The following PCNT variants were observed in gnomAD, a reference collection of about 807,000 sequenced individuals.
The protein encoded by PCNT is kendrin.
PCNT carries 319 observed loss-of-function variants against 380.4 expected under a neutral mutation model. That is an observed-to-expected ratio of 0.84 (90% confidence interval 0.77 to 0.92). The LOEUF (loss-of-function observed/expected upper bound fraction) is 0.92. Ranked by LOEUF, PCNT falls within the 40% of genes least tolerant of loss-of-function variation. The probability of loss-of-function intolerance (pLI) is 0.00; values close to 1 mark genes in which losing one functional copy is unlikely to be tolerated. For synonymous variants in PCNT, 1,845 were observed against 1,735.2 expected (o/e 1.06, Z -1.57); for missense variants, 4,400 against 4,255.3 (o/e 1.03, Z -0.95).
intron 27 of PCNT, among the ~76,000 whole-genome samples, chr21:46,410,457 T>A (rs943467341): frequency 6.6e-6 from 1 of 152,262 alleles, no homozygotes; most frequent in African/African-American, 2.4e-5. Flanking sequence ...AGAATTTTTC[T>A]ATTTTTTGTC....
chr21:46,335,394 T>C (rs569665239), intron 3 of PCNT, among the ~76,000 whole-genome samples: 29 of 152,324 alleles, frequency 1.9e-4, no homozygotes, highest in Admixed American at 8.5e-4. Context: ...TGAAGTGTTA[T>C]GTTAAAAGCA....
At chr21:46,405,322 G>A (rs2086591318) in intron 27 of PCNT, among the ~76,000 whole-genome samples, 1 of 152,222 alleles carries the variant, frequency 6.6e-6, no homozygotes, top group African/African-American at 2.4e-5. Context: ...AGAGGCTACT[G>A]AGATGTTATC....
rs1405957002 is a variant in PCNT at position 46,437,083 on chromosome 21, T to C, written c.9099+2T>C. The C allele has an allele frequency of 6.2e-7, 1 of 1,610,492 alleles. No homozygotes were observed. The highest frequency in any genetic ancestry group is 2.2e-5 in the East Asian group (1 of 44,866). On this transcript the variant is annotated splice_donor_variant, in intron 40 of 46. Coordinates refer to ENST00000359568, the MANE Select transcript of PCNT (RefSeq NM_006031.6). LOFTEE classifies it high-confidence loss of function. Reference sequence around the variant, plus strand: ...TTGAGCAGGCCCACCTCCTCCCAGGTAAGGGGTGAGCGCCCCCAGGTCCCT... The same window carrying C: ...TTGAGCAGGCCCACCTCCTCCCAGGCAAGGGGTGAGCGCCCCCAGGTCCCT...
At chr21:46,342,795 CTGGGATT>C (rs2083947561) in intron 3 of PCNT, among the ~76,000 whole-genome samples, 1 of 152,220 alleles carries the variant, frequency 6.6e-6, no homozygotes, top group African/African-American at 2.4e-5. Context: ...TCCCAAAGTG[CTGGGATT>C]GCAGGTGTGA....
At chr21:46,385,110 T>G (rs944471695) in intron 16 of PCNT, among the ~76,000 whole-genome samples, 2 of 152,250 alleles carry the variant, frequency 1.3e-5, no homozygotes, top group South Asian at 4.2e-4. Flanking sequence ...ATCCCAGCAC[T>G]TCGGGAGGCT....
chr21:46,403,182 CGGTG>C (rs1569258236), intron 27 of PCNT, among the ~76,000 whole-genome samples: 4,454 of 135,184 alleles, frequency 0.033, 219 homozygotes, highest in Non-Finnish European at 0.048. Flanking sequence ...GGCGCGTGCT[CGGTG>C]AATGAACACA....
chr21:46,433,602 T>C (rs1000383458), intron 38 of PCNT, among the ~76,000 whole-genome samples: 9 of 152,106 alleles, frequency 5.9e-5, no homozygotes, highest in East Asian at 1.9e-4. Context: ...TCTTTACTTT[T>C]TGAGAACTTC....
chr21:46,378,353 T>G (rs1228201790), intron 15 of PCNT, among the ~76,000 whole-genome samples: 1 of 152,194 alleles, frequency 6.6e-6, no homozygotes, highest in Non-Finnish European at 1.5e-5. Context: ...CACTCTATGG[T>G]GTCTCTGGCA....
rs6518291 is a variant in PCNT, at chr21:46,401,674, A to G, written c.4915A>G (p.Ile1639Val). The G allele has an allele frequency of 0.22, 355,717 of 1,613,280 alleles. 44,807 individuals carry two copies. Among genetic ancestry groups the G allele is most frequent in the African/African-American group, 0.54 (40,728 of 74,764 alleles). The stretch of plus-strand genomic sequence containing the variant: ...GGGCAGCCCTCCTGAGGGTCCAGAA[A>G]TACAGTTAGAGGTGACACAGAGAGC... ...PSGSPPEGPE[I>V]QLEVTQRALL... Residue 1639 changes from isoleucine (I) to valine (V), a missense_variant, in exon 26 of 47, where the codon ATA becomes GTA. Transcript: ENST00000359568.
At chr21:46,428,026 A>T (rs1039775574) in intron 34 of PCNT, among the ~76,000 whole-genome samples, 4 of 152,004 alleles carry the variant, frequency 2.6e-5, no homozygotes, top group African/African-American at 9.7e-5. Context: ...CTCAGGCCTC[A>T]CTCTTTTCTG....
intron 10 of PCNT, among the ~76,000 whole-genome samples, chr21:46,353,555 A>T (rs1357935595): frequency 6.6e-6 from 1 of 151,686 alleles, no homozygotes; most frequent in Non-Finnish European, 1.5e-5. Context: ...GCCTGCGTGC[A>T]CATGTTGGTG....
In PCNT at chr21:46,349,712, T is replaced by C. The variant is rs769637090; in HGVS notation, c.1236T>C (p.His412=). Residue 412 remains histidine, a synonymous_variant, in exon 8 of 47, where the codon CAT becomes CAC. Transcript: ENST00000359568. ...ERALRNLESH[H]QAAIEKLRED... Reference sequence around the variant, plus strand: ...CCCTTAGGAACCTGGAGAGTCATCATCAAGCAGCCATTGAGAAGTTACGTG... The same window carrying C: ...CCCTTAGGAACCTGGAGAGTCATCACCAAGCAGCCATTGAGAAGTTACGTG... The C allele has an allele frequency of 7.0e-5, 113 of 1,613,892 alleles. No homozygotes were observed. Among genetic ancestry groups the C allele is most frequent in the Non-Finnish European group, 1.1e-5 (13 of 1,179,930 alleles).
chr21:46,364,557 TTG>T (rs1172687734), intron 14 of PCNT, among the ~76,000 whole-genome samples: 1 of 152,274 alleles, frequency 6.6e-6, no homozygotes, highest in Admixed American at 6.5e-5. Flanking sequence ...CTAAGCGTTT[TTG>T]TGTTTTTTTT....
At chr21:46,417,040 A>G (rs1411059996) in intron 30 of PCNT, among the ~76,000 whole-genome samples, 3 of 152,126 alleles carry the variant, frequency 2.0e-5, no homozygotes, top group African/African-American at 7.2e-5. Context: ...CCTGAGATGC[A>G]TTTGCCTGCC....
chr21:46,402,339 CT>C lies in PCNT; in HGVS notation c.4973del (p.Leu1658Ter). On this transcript the variant is annotated frameshift_variant, in exon 27 of 47. Coordinates refer to ENST00000359568, the MANE Select transcript of PCNT (RefSeq NM_006031.6). LOFTEE classifies it high-confidence loss of function. ...TTTTGTTTTAATGAAAGGTTTTGGA[CT>C]TAAAAGAACAGCTAGAAAAGATGAA... The part of the protein sequence containing the change: ...LLRRESEVLD[L>X]KEQLEKMKGD... 3.1e-6 allele frequency: 5 copies of C among 1,601,238 alleles called. No individual in the cohort carries two copies. The highest frequency in any genetic ancestry group is 4.3e-6 in the Non-Finnish European group (5 of 1,168,544).
Position 46,418,125 on chromosome 21 carries a change from T to C in PCNT, c.6922-79T>C. 3 of 869,618 alleles carry C rather than the reference T, an allele frequency of 3.4e-6. No homozygotes were observed. The South Asian group carries it at 4.2e-5, about 12-fold the overall frequency. 53.9% of individuals were successfully genotyped at this position (869,618 alleles called of 1,614,324 possible). On this transcript the variant is annotated intron_variant, in intron 30 of 46. Transcript: ENST00000359568. The stretch of plus-strand genomic sequence containing the variant: ...ATGTGGGAAGATAAATTCAGGCCTT[T>C]GAAAGTTTTCACCTGGCAAAGTCAG...
At chr21:46,417,542 T>TAAA (rs1445435611) in intron 30 of PCNT, among the ~76,000 whole-genome samples, 2 of 152,198 alleles carry the variant, frequency 1.3e-5, no homozygotes, top group African/African-American at 4.8e-5. Flanking sequence ...TTAATTTTAA[T>TAAA]TTATGAGTTA....
intron 9 of PCNT, among the ~76,000 whole-genome samples, 173 bp from the exon 10 acceptor site, chr21:46,352,931 A>G (rs920282523): frequency 2.6e-5 from 4 of 152,108 alleles, no homozygotes; most frequent in Non-Finnish European, 5.9e-5. Flanking sequence ...AGCTCTCCAC[A>G]TTCAGGGGCG....
Position 46,430,330 on chromosome 21 carries a change from A to G in PCNT, c.7913+98A>G, listed in dbSNP as rs2087696901. 2.1e-6 allele frequency: 3 copies of G among 1,398,756 alleles called. No individual in the cohort carries two copies. The Admixed American group carries it at 5.9e-5, about 27-fold the overall frequency. The allele number at this position is 1,398,756 out of a possible 1,614,324, so 86.6% of individuals were successfully genotyped here. A position where few individuals can be genotyped will look rare whatever the true frequency, so the allele number is the denominator to read the frequency against. The stretch of plus-strand genomic sequence containing the variant: ...GGAGACAGAACCTCTGGTGGGCCGC[A>G]GTTGGGCAGCCCCAGGGGCACCGCG... On this transcript the variant is annotated intron_variant, in intron 36 of 46. Transcript: ENST00000359568.
Sources: gnomAD v4.1 joint callset for allele counts (sites outside exome capture counted in the v4.1 genomes callset) on GRCh38, gnomAD v4.1.1 for gene constraint, MANE v1.5 for transcripts, NCBI Gene and HGNC (gene_info 2026-07-23, HGNC 2026-07-21) for gene names.